Variants in ROBO2 observed in about 807,000 individuals in gnomAD.
ROBO2 encodes roundabout homolog 2.
A neutral mutation model predicts 160.8 loss-of-function variants in ROBO2; 53 were observed. That is an observed-to-expected ratio of 0.33 (90% CI 0.26 to 0.41). The LOEUF is 0.41. ROBO2 is among the 10% of genes least tolerant of loss of function. The probability of loss-of-function intolerance (pLI) is 1.00; values close to 1 mark genes in which losing one functional copy is unlikely to be tolerated. For missense variants in ROBO2, 1,577 were observed against 1,722.4 expected, an observed-to-expected ratio of 0.92 and a Z score of 1.49; for synonymous variants, 664 against 611.7, an observed-to-expected ratio of 1.09 and a Z score of -1.26.
chr3:76,982,579 G>C (rs1559797594), intron 2 of ROBO2, among the ~76,000 whole-genome samples: 1 of 152,086 alleles, frequency 6.6e-6, no homozygotes, highest in African/African-American at 2.4e-5. Flanking sequence ...TCATGTGAAT[G>C]TTAAGATTTA....
At chr3:77,128,774 A>G (rs902845198) in intron 2 of ROBO2, among the ~76,000 whole-genome samples, 3 of 152,210 alleles carry the variant, frequency 2.0e-5, no homozygotes, top group Admixed American at 2.0e-4. Flanking sequence ...ACTATGAAGA[A>G]CATACCGTGA....
intron 2 of ROBO2, among the ~76,000 whole-genome samples, chr3:76,758,271 C>T (rs566341697): frequency 4.5e-4 from 69 of 151,714 alleles, no homozygotes; most frequent in Middle Eastern, 3.4e-3. Flanking sequence ...AGTCATTATC[C>T]GTCCTGTTGA....
chr3:77,380,909 A>G (rs1416802250), intron 2 of ROBO2, among the ~76,000 whole-genome samples: 1 of 150,670 alleles, frequency 6.6e-6, no homozygotes, highest in Non-Finnish European at 1.5e-5. Context: ...CAAAGAGAGT[A>G]AAATCACAGT....
At chr3:76,913,169 C>T (rs1196835422) in intron 2 of ROBO2, among the ~76,000 whole-genome samples, 1 of 152,120 alleles carries the variant, frequency 6.6e-6, no homozygotes, top group Admixed American at 6.5e-5. Flanking sequence ...AAATCTGAAA[C>T]TTTGACCCTC....
At chr3:76,654,359 T>G (rs2091394670) in intron 2 of ROBO2, among the ~76,000 whole-genome samples, 4 of 152,144 alleles carry the variant, frequency 2.6e-5, no homozygotes, top group Admixed American at 2.0e-4. Flanking sequence ...ACTTTATAAA[T>G]GATGAAAAAA....
intron 2 of ROBO2, among the ~76,000 whole-genome samples, chr3:76,251,264 G>GA (rs202168478): frequency 3.9e-4 from 58 of 147,820 alleles, no homozygotes; most frequent in East Asian, 2.2e-3. Flanking sequence ...GAAGTAAAAA[G>GA]AAAAAAAAAA....
At chr3:76,965,024 A>G (rs2079965164) in intron 2 of ROBO2, among the ~76,000 whole-genome samples, 1 of 152,190 alleles carries the variant, frequency 6.6e-6, no homozygotes. Flanking sequence ...TTCTTTTGGT[A>G]TCTTCAAAAG....
intron 2 of ROBO2, among the ~76,000 whole-genome samples, chr3:77,144,622 T>C (rs953706127): frequency 4.6e-5 from 7 of 152,248 alleles, no homozygotes; most frequent in Non-Finnish European, 8.8e-5. Flanking sequence ...AATAAAATAT[T>C]GGATCAACTA....
At chr3:76,305,892 G>T (rs1224109232) in intron 2 of ROBO2, among the ~76,000 whole-genome samples, 1 of 151,984 alleles carries the variant, frequency 6.6e-6, no homozygotes. Flanking sequence ...GACAAGCTGA[G>T]GATTGCTCAG....
intron 6 of ROBO2, among the ~76,000 whole-genome samples, chr3:77,525,252 TTTTC>T (rs1336736226): frequency 2.7e-5 from 4 of 150,166 alleles, no homozygotes; most frequent in Non-Finnish European, 5.9e-5. Context: ...TTTTTTTTTT[TTTTC>T]AAGATGAAAT....
At chr3:76,769,611 G>A (rs2061770525) in intron 2 of ROBO2, among the ~76,000 whole-genome samples, 2 of 151,404 alleles carry the variant, frequency 1.3e-5, no homozygotes, top group African/African-American at 4.8e-5. Flanking sequence ...GCAATCATTT[G>A]TGGTTATGCT....
chr3:77,608,222 T>G (rs2094562912), intron 21 of ROBO2, among the ~76,000 whole-genome samples: 1 of 152,222 alleles, frequency 6.6e-6, no homozygotes, highest in Non-Finnish European at 1.5e-5. Context: ...TTTATAATAT[T>G]GCTTGTTAGT....
At chr3:76,259,831 T>C (rs907523823) in intron 2 of ROBO2, among the ~76,000 whole-genome samples, 3 of 152,096 alleles carry the variant, frequency 2.0e-5, no homozygotes, top group African/African-American at 7.2e-5. Flanking sequence ...AACAGGAAGC[T>C]TATGCTGCCT....
At chr3:76,199,846 A>C (rs929572214) in intron 2 of ROBO2, among the ~76,000 whole-genome samples, 7 of 152,090 alleles carry the variant, frequency 4.6e-5, no homozygotes, top group Admixed American at 3.3e-4. Flanking sequence ...TCTCCAGTTA[A>C]ACCTTCCATT....
At chr3:76,693,938 C>T (rs1370956478) in intron 2 of ROBO2, among the ~76,000 whole-genome samples, 1 of 152,210 alleles carries the variant, frequency 6.6e-6, no homozygotes, top group Non-Finnish European at 1.5e-5. Flanking sequence ...GAAACATCCT[C>T]ACAGACATAC....
intron 2 of ROBO2, among the ~76,000 whole-genome samples, chr3:76,179,694 T>C (rs937381276): frequency 5.9e-5 from 9 of 152,248 alleles, no homozygotes; most frequent in Non-Finnish European, 8.8e-5. Flanking sequence ...TTTTCTTCTT[T>C]GCCTAGATCT....
chr3:77,295,738 CGG>C (rs2062007819), intron 2 of ROBO2, among the ~76,000 whole-genome samples: 1 of 145,308 alleles, frequency 6.9e-6, no homozygotes, highest in Non-Finnish European at 1.5e-5. Flanking sequence ...GACGGTTAAA[CGG>C]GTAAGCTGAG....
intron 14 of ROBO2, among the ~76,000 whole-genome samples, chr3:77,576,051 A>G (rs1404231467): frequency 6.6e-6 from 1 of 152,112 alleles, no homozygotes; most frequent in Non-Finnish European, 1.5e-5. Context: ...CCTGTCAGGA[A>G]GCAGGCACGG....
intron 2 of ROBO2, among the ~76,000 whole-genome samples, chr3:76,683,745 CACAAACTA>C: frequency 1.3e-5 from 2 of 152,078 alleles, no homozygotes; most frequent in Non-Finnish European, 2.9e-5. Context: ...AAAGCCTTTT[CACAAACTA>C]TCCCAGGATT....
Sources: gnomAD v4.1 joint callset for allele counts (sites outside exome capture counted in the v4.1 genomes callset) on GRCh38, gnomAD v4.1.1 for gene constraint, MANE v1.5 for transcripts, NCBI Gene and HGNC (gene_info 2026-07-23, HGNC 2026-07-21) for gene names.